Variants in UQCRH observed in about 807,000 individuals in gnomAD.
The protein encoded by UQCRH is cytochrome b-c1 complex subunit 6, mitochondrial.
UQCRH carries 14 observed loss-of-function variants against 16.3 expected under a neutral mutation model. That is an observed-to-expected ratio of 0.86 (90% confidence interval 0.57 to 1.34). The LOEUF is 1.34. Ranked by LOEUF, UQCRH falls within the 40% of genes most tolerant of loss-of-function variation. The probability of loss-of-function intolerance (pLI) is 0.00; values close to 1 mark genes in which losing one functional copy is unlikely to be tolerated. For missense variants in UQCRH, 89 were observed against 111.9 expected, an observed-to-expected ratio of 0.80 and a Z score of 0.92; for synonymous variants, 41 against 41.9, an observed-to-expected ratio of 0.98 and a Z score of 0.08.
chr1:46,311,656 G>C (rs1441131790), intron 3 of UQCRH, among the ~76,000 whole-genome samples: 2 of 135,788 alleles, frequency 1.5e-5, no homozygotes, highest in Non-Finnish European at 3.2e-5. Flanking sequence ...GCAGTGGCGC[G>C]ATCTCGGCTC....
intron 3 of UQCRH, among the ~76,000 whole-genome samples, chr1:46,316,011 G>C (rs775301436): frequency 6.6e-6 from 1 of 152,122 alleles, no homozygotes; most frequent in Non-Finnish European, 1.5e-5. Context: ...GCTAAACTTT[G>C]GTAAGTCTCT....
At chr1:46,307,982 C>T (rs1200051785) in intron 1 of UQCRH, among the ~76,000 whole-genome samples, 2 of 152,154 alleles carry the variant, frequency 1.3e-5, no homozygotes, top group Non-Finnish European at 2.9e-5. Context: ...CATCTGGCAG[C>T]TTGAATCTGT....
At chr1:46,314,079 AAG>A (rs1419700391) in intron 3 of UQCRH, among the ~76,000 whole-genome samples, 1 of 152,182 alleles carries the variant, frequency 6.6e-6, no homozygotes, top group Non-Finnish European at 1.5e-5. Flanking sequence ...TCAGCCTTAA[AAG>A]AGAAGGGGGC....
intron 3 of UQCRH, among the ~76,000 whole-genome samples, chr1:46,313,379 AG>A (rs1661516973): frequency 6.6e-6 from 1 of 152,198 alleles, no homozygotes; most frequent in Non-Finnish European, 1.5e-5. Flanking sequence ...CTGTAATCCC[AG>A]CCCTTTGGGA....
At chr1:46,310,886 T>G (rs1238514716) in intron 3 of UQCRH, among the ~76,000 whole-genome samples, 1 of 151,068 alleles carries the variant, frequency 6.6e-6, no homozygotes, top group Non-Finnish European at 1.5e-5. Flanking sequence ...GCTAACAAGG[T>G]GAAACCCCGT....
At chr1:46,310,544 A>G (rs1192542777) in intron 3 of UQCRH, among the ~76,000 whole-genome samples, 1 of 152,178 alleles carries the variant, frequency 6.6e-6, no homozygotes, top group Non-Finnish European at 1.5e-5. Flanking sequence ...CTCAGTGCCA[A>G]CCTTGAACTC....
rs1661487117 is a variant in UQCRH, at chr1:46,311,956, T to G, written c.243+1640T>G. The stretch of plus-strand genomic sequence containing the variant: ...TTTTTTTTTTTTTGAGATAAGGTCT[T>G]GCTTGCTCTGTCACCCAGGCTGGAG... On this transcript the variant is annotated intron_variant, in intron 3 of 3. Transcript: ENST00000311672. Among the ~76,000 whole-genome samples the G allele has an allele frequency of 3.5e-5, 5 of 141,990 alleles. No individual in the cohort carries two copies. In the South Asian group the frequency reaches 1.2e-3, roughly 33 times the overall value. The allele number at this position is 141,990 out of a possible 152,430, so 93.2% of individuals were successfully genotyped here. A position where few individuals can be genotyped will look rare whatever the true frequency, so the allele number is the denominator to read the frequency against.
chr1:46,305,402 G>A (rs534319115), intron 1 of UQCRH, among the ~76,000 whole-genome samples: 1 of 150,488 alleles, frequency 6.6e-6, no homozygotes, highest in East Asian at 2.0e-4. Flanking sequence ...AAGTAATTAA[G>A]CAGTCAGTTT....
chr1:46,304,028 G>C (rs2148330795), intron 1 of UQCRH, among the ~76,000 whole-genome samples: 2 of 152,342 alleles, frequency 1.3e-5, no homozygotes, highest in South Asian at 4.1e-4. Context: ...CTCGGCTTCT[G>C]CATTCTGTGA....
chr1:46,310,238 G>A lies in UQCRH; in HGVS notation c.165G>A (p.Glu55=). The change falls in exon 3 of 4, where the codon GAG becomes GAA. Residue 55 remains glutamate, a synonymous_variant. Transcript: ENST00000311672. ...KARERLELCD[E]RVSSRSHTEE... is the part of the protein sequence containing the mutation. ...GGGAGCGGCTAGAGCTCTGTGATGA[G>A]CGTGTATCCTCTCGATCACATACAG... is the stretch of plus-strand genomic sequence containing the variant. The A allele has an allele frequency of 6.2e-7, 1 of 1,614,222 alleles. No individual in the cohort carries two copies.
chr1:46,311,808 T>G (rs1661483434), intron 3 of UQCRH, among the ~76,000 whole-genome samples: 1 of 151,834 alleles, frequency 6.6e-6, no homozygotes, highest in Admixed American at 6.6e-5. Flanking sequence ...TTTTGTATTT[T>G]TAGTAGAGAC....
intron 3 of UQCRH, among the ~76,000 whole-genome samples, chr1:46,313,642 CAGATAGAT>C (rs140722553): frequency 0.017 from 2,463 of 145,864 alleles, 57 homozygotes; most frequent in African/African-American, 0.044. Context: ...AAAATATAGA[CAGATAGAT>C]AGATAGATAG....
chr1:46,315,980 G>A (rs1343827378), intron 3 of UQCRH, among the ~76,000 whole-genome samples: 2 of 152,136 alleles, frequency 1.3e-5, no homozygotes, highest in East Asian at 3.8e-4. Flanking sequence ...AGCCAGCATA[G>A]GAAACAGAAG....
intron 3 of UQCRH, among the ~76,000 whole-genome samples, chr1:46,311,087 AAAT>A (rs1164301987): frequency 1.3e-3 from 186 of 144,314 alleles, no homozygotes; most frequent in Middle Eastern, 3.5e-3. Flanking sequence ...AAAAAAAAAA[AAAT>A]AATAATAATA....
At chr1:46,313,305 A>C (rs1337446318) in intron 3 of UQCRH, among the ~76,000 whole-genome samples, 1 of 152,136 alleles carries the variant, frequency 6.6e-6, no homozygotes, top group African/African-American at 2.4e-5. Flanking sequence ...CAGCCTGGGC[A>C]ACATGGTAAA....
At chr1:46,310,878 T>A (rs1216879112) in intron 3 of UQCRH, among the ~76,000 whole-genome samples, 1 of 151,544 alleles carries the variant, frequency 6.6e-6, no homozygotes, top group African/African-American at 2.4e-5. Context: ...CCATCCTGGC[T>A]AACAAGGTGA....
intron 1 of UQCRH, among the ~76,000 whole-genome samples, chr1:46,306,380 GTTTT>G (rs58917170): frequency 8.0e-6 from 1 of 125,176 alleles, no homozygotes; most frequent in African/African-American, 2.9e-5. Flanking sequence ...AACTTTTTCA[GTTTT>G]TTTTTTTTTT....
At chr1:46,313,088 C>T (rs150733134) in intron 3 of UQCRH, among the ~76,000 whole-genome samples, 3 of 152,182 alleles carry the variant, frequency 2.0e-5, no homozygotes, top group East Asian at 3.9e-4. Flanking sequence ...CAATTACACT[C>T]GAAGATATAT....
intron 3 of UQCRH, among the ~76,000 whole-genome samples, chr1:46,315,934 A>G (rs1359165595): frequency 1.3e-5 from 2 of 152,188 alleles, no homozygotes; most frequent in Non-Finnish European, 2.9e-5. Flanking sequence ...ATCTGGGAGT[A>G]AGATAGACAT....
Sources: gnomAD v4.1 joint callset for allele counts (sites outside exome capture counted in the v4.1 genomes callset) on GRCh38, gnomAD v4.1.1 for gene constraint, MANE v1.5 for transcripts, NCBI Gene and HGNC (gene_info 2026-07-23, HGNC 2026-07-21) for gene names.